The following SLIT3 variants were observed in gnomAD, a reference collection of about 807,000 sequenced individuals.
The protein encoded by SLIT3 is slit guidance ligand 3.
In SLIT3, 68 loss-of-function variants were observed where a neutral mutation model predicts 184.0. The observed-to-expected ratio is 0.37, with a 90% CI of 0.30 to 0.45. The LOEUF is 0.45. SLIT3 is among the 20% of genes least tolerant of loss of function. The pLI is 1.00. For missense variants in SLIT3, 1,707 were observed against 2,026.0 expected (o/e 0.84, Z 3.02); for synonymous variants, 831 against 828.6 (o/e 1.00, Z -0.05).
At chr5:169,269,469 C>T (rs1443591388) in intron 1 of SLIT3, among the ~76,000 whole-genome samples, 1 of 152,246 alleles carries the variant, frequency 6.6e-6, no homozygotes. Context: ...ATCCTCTGCA[C>T]TCACCAGGCT....
intron 3 of SLIT3, among the ~76,000 whole-genome samples, chr5:169,198,022 T>C (rs1408752599): frequency 6.6e-6 from 1 of 152,220 alleles, no homozygotes; most frequent in Non-Finnish European, 1.5e-5. Flanking sequence ...ACTGTTCATT[T>C]ATCTGTACAT....
intron 9 of SLIT3, 124 bp from the exon 10 acceptor site, chr5:168,795,702 G>A (rs1756543023): frequency 1.3e-6 from 1 of 760,152 alleles, no homozygotes; most frequent in South Asian, 1.5e-5. Context: ...GCACGGTCTG[G>A]TTGTGGCAGA....
chr5:168,955,474 C>T (rs912795042), intron 4 of SLIT3, among the ~76,000 whole-genome samples: 2 of 152,140 alleles, frequency 1.3e-5, no homozygotes, highest in Admixed American at 1.3e-4. Flanking sequence ...CCTGTTCACT[C>T]GTTCAGGCTG....
intron 29 of SLIT3, among the ~76,000 whole-genome samples, chr5:168,690,590 A>G (rs931886487): frequency 1.3e-5 from 2 of 152,052 alleles, no homozygotes; most frequent in Non-Finnish European, 2.9e-5. Context: ...ACAGTATCCC[A>G]TACTTCGTAA....
chr5:169,077,695 G>A (rs1758800270), intron 4 of SLIT3, among the ~76,000 whole-genome samples: 1 of 152,000 alleles, frequency 6.6e-6, no homozygotes. Context: ...TGACTGTGTG[G>A]GGGGTCACCA....
At chr5:169,237,038 T>G (rs995433973) in intron 3 of SLIT3, among the ~76,000 whole-genome samples, 2 of 152,172 alleles carry the variant, frequency 1.3e-5, no homozygotes, top group African/African-American at 4.8e-5. Context: ...GTCTCAGAAC[T>G]GTTAACCCAT....
intron 4 of SLIT3, among the ~76,000 whole-genome samples, chr5:168,889,676 C>T (rs1168875291): frequency 6.6e-6 from 1 of 152,108 alleles, no homozygotes; most frequent in African/African-American, 2.4e-5. Flanking sequence ...TGCTTATTTC[C>T]CTCAAAAATG....
intron 3 of SLIT3, among the ~76,000 whole-genome samples, chr5:169,217,403 T>A (rs114203470): frequency 0.033 from 4,999 of 152,202 alleles, 307 homozygotes; most frequent in African/African-American, 0.11. Context: ...CTGAAGTACG[T>A]GGCAATCCCA....
At chr5:168,964,566 T>A (rs1258672182) in intron 4 of SLIT3, among the ~76,000 whole-genome samples, 1 of 152,152 alleles carries the variant, frequency 6.6e-6, no homozygotes, top group East Asian at 1.9e-4. Context: ...GTGGATTGAG[T>A]GAAACTTACT....
chr5:168,685,537 T>A, intron 31 of SLIT3, 150 bp downstream of exon 31: 1 of 1,007,132 alleles, frequency 9.9e-7, no homozygotes, highest in Non-Finnish European at 1.4e-6. Flanking sequence ...TATAGAACTC[T>A]CTGGATGAGT....
Position 168,710,959 on chromosome 5 carries a change from A to T in SLIT3, c.2655T>A (p.Ser885Arg). 6.4e-7 allele frequency: 1 copy of T among 1,566,108 alleles called. No homozygotes were observed. Among genetic ancestry groups the T allele is most frequent in the African/African-American group, 1.3e-5 (1 of 74,328 alleles). The stretch of plus-strand genomic sequence containing the variant: ...GCCTGTCAGCCATGGGCTCAGGGCT[A>T]CTGCAGCGGGCGATGCCAGGCTCCT... ...GYKEPGIARC[S>R]SPEPMADRLL... Residue 885 changes from serine to arginine, a missense_variant, in exon 25 of 36, where the codon AGT (serine) becomes AGA (arginine). Ser to Arg is a moderately radical substitution (Grantham distance 110). Around this residue, in one of 3 missense-constraint regions of SLIT3, gnomAD observed 1,307 missense variants for 1,511.6 expected, o/e 0.86. Transcript: ENST00000519560.
At chr5:169,079,489 AG>A (rs1242160997) in intron 4 of SLIT3, among the ~76,000 whole-genome samples, 44 of 5,192 alleles carry the variant, frequency 8.5e-3, no homozygotes, top group African/African-American at 0.026. Context: ...GTGGGGGAGG[AG>A]GGGGGGAGGG....
chr5:169,138,151 G>A (rs979083648), intron 4 of SLIT3, among the ~76,000 whole-genome samples: 1 of 152,202 alleles, frequency 6.6e-6, no homozygotes, highest in Non-Finnish European at 1.5e-5. Flanking sequence ...CCCCTTTTCT[G>A]TGTTGGTGCA....
At chr5:168,884,435 A>ACACG (rs1760096323) in intron 4 of SLIT3, among the ~76,000 whole-genome samples, 1 of 149,330 alleles carries the variant, frequency 6.7e-6, no homozygotes, top group African/African-American at 2.5e-5. Flanking sequence ...TCTCACACAC[A>ACACG]CACACACACA....
intron 3 of SLIT3, among the ~76,000 whole-genome samples, chr5:169,214,488 G>A (rs1013712554): frequency 6.6e-6 from 1 of 152,214 alleles, no homozygotes; most frequent in Non-Finnish European, 1.5e-5. Flanking sequence ...AGGCCAGGGT[G>A]ACTGGGAGGG....
intron 8 of SLIT3, among the ~76,000 whole-genome samples, chr5:168,809,532 T>C (rs1757097247): frequency 6.6e-6 from 1 of 152,188 alleles, no homozygotes; most frequent in African/African-American, 2.4e-5. Context: ...CATTCTCCTG[T>C]GATCGATGCC....
intron 1 of SLIT3, chr5:169,263,841 T>G (rs188359407): frequency 5.6e-5 from 18 of 321,768 alleles, no homozygotes; most frequent in African/African-American, 3.9e-4. Flanking sequence ...CTGTTTCCTG[T>G]GTGTCTGCCT....
intron 9 of SLIT3, among the ~76,000 whole-genome samples, chr5:168,798,565 A>T (rs1003715164): frequency 1.3e-5 from 2 of 152,028 alleles, no homozygotes; most frequent in African/African-American, 4.8e-5. Flanking sequence ...TCAGCTTCTC[A>T]GGCTGTTTTG....
intron 4 of SLIT3, among the ~76,000 whole-genome samples, chr5:169,178,690 C>T (rs1763058146): frequency 6.6e-6 from 1 of 152,172 alleles, no homozygotes; most frequent in African/African-American, 2.4e-5. Flanking sequence ...ATCCTTTCTT[C>T]CTTCCTCCCC....
Sources: allele counts gnomAD v4.1 joint callset (sites outside exome capture counted in the v4.1 genomes callset), GRCh38; gene constraint gnomAD v4.1.1; regional missense constraint gnomAD v4.1.1; transcripts MANE v1.5; gene names NCBI Gene and HGNC (gene_info 2026-07-23, HGNC 2026-07-21).